Variants in EML6 observed in about 807,000 individuals in gnomAD.
EML6 encodes the protein echinoderm microtubule-associated protein-like 6.
EML6 carries 154 observed loss-of-function variants against 240.1 expected under a neutral mutation model. The ratio of observed to expected loss-of-function variants is 0.64; its 90% CI spans 0.56 to 0.73. The LOEUF is 0.73. EML6 is among the 30% of genes least tolerant of loss of function. The pLI, the probability that EML6 is intolerant of heterozygous loss-of-function variation, is 0.00. For synonymous variants in EML6, 1,148 were observed against 899.0 expected (o/e 1.28, Z -4.95); for missense variants, 2,964 against 2,474.6 (o/e 1.20, Z -4.20).
At chr2:54,830,319 G>A (rs1353092382) in intron 7 of EML6, among the ~76,000 whole-genome samples, 2 of 152,194 alleles carry the variant, frequency 1.3e-5, no homozygotes, top group African/African-American at 4.8e-5. Context: ...CTCCCCACAG[G>A]TGGGCCACAG....
At chr2:54,954,874 C>T (rs1234239612) in intron 32 of EML6, among the ~76,000 whole-genome samples, 5 of 152,206 alleles carry the variant, frequency 3.3e-5, no homozygotes, top group Non-Finnish European at 7.3e-5. Context: ...TGCAGCTAGG[C>T]AGCCTGTATC....
chr2:54,756,035 C>A (rs1164493245), intron 2 of EML6, among the ~76,000 whole-genome samples: 1 of 152,056 alleles, frequency 6.6e-6, no homozygotes, highest in African/African-American at 2.4e-5. Context: ...TAATTTGGAT[C>A]TTGGCCCTCT....
At chr2:54,896,512 G>C (rs946276927) in intron 21 of EML6, among the ~76,000 whole-genome samples, 1 of 152,184 alleles carries the variant, frequency 6.6e-6, no homozygotes, top group Non-Finnish European at 1.5e-5. Flanking sequence ...AGGATGTGGA[G>C]GTGCGTTAGG....
rs1676917040 is a variant in EML6 at position 54,969,935 on chromosome 2, G to T, written c.5853-136G>T. 3.4e-6 allele frequency: 3 copies of T among 884,912 alleles called. No individual in the cohort carries two copies. The South Asian group carries it at 4.4e-5, about 13-fold the overall frequency. The allele number at this position is 884,912 out of a possible 1,614,324, so 54.8% of individuals were successfully genotyped here. A position where few individuals can be genotyped will look rare whatever the true frequency, so the allele number is the denominator to read the frequency against. On this transcript the variant is annotated intron_variant, in intron 41 of 41. Transcript: ENST00000356458. ...TCTTAATTTGGTGGCAAGATCCCTG[G>T]TTTACCTTTTGAAGTCAAAATGTTC...
chr2:54,768,249 T>C (rs943340866), intron 2 of EML6, among the ~76,000 whole-genome samples: 3 of 152,160 alleles, frequency 2.0e-5, no homozygotes, highest in African/African-American at 7.2e-5. Flanking sequence ...GGGATGCCAT[T>C]CCTTTATGTA....
chr2:54,777,012 C>T (rs570173227), intron 2 of EML6, among the ~76,000 whole-genome samples: 3 of 152,030 alleles, frequency 2.0e-5, no homozygotes, highest in Admixed American at 6.6e-5. Context: ...TATTTTATTC[C>T]GTTTCATTAG....
intron 21 of EML6, 40 bp downstream of exon 21, chr2:54,895,440 G>A: frequency 6.5e-7 from 1 of 1,548,972 alleles, no homozygotes; most frequent in African/African-American, 1.4e-5. Flanking sequence ...TTCACATCAA[G>A]GCTGGGACTA....
intron 7 of EML6, among the ~76,000 whole-genome samples, chr2:54,837,604 C>G (rs902865498): frequency 2.0e-5 from 3 of 152,124 alleles, no homozygotes; most frequent in African/African-American, 7.2e-5. Context: ...CTTTCCGATC[C>G]AGTGGGGTAG....
At chr2:54,932,751 A>G (rs1674928668) in intron 28 of EML6, among the ~76,000 whole-genome samples, 1 of 152,244 alleles carries the variant, frequency 6.6e-6, no homozygotes, top group Non-Finnish European at 1.5e-5. Flanking sequence ...AGACTTCGGT[A>G]AAAACAGTTT....
chr2:54,745,670 G>T (rs1423868644), intron 2 of EML6, among the ~76,000 whole-genome samples: 1 of 152,046 alleles, frequency 6.6e-6, no homozygotes, highest in Non-Finnish European at 1.5e-5. Flanking sequence ...GGTCACAGCT[G>T]CTTGGGAGGC....
Position 54,853,891 on chromosome 2 carries a change from T to G in EML6, c.1657+36T>G, listed in dbSNP as rs1367175721. The G allele has an allele frequency of 2.8e-6, 4 of 1,414,368 alleles. No individual in the cohort carries two copies. In the Admixed American group the frequency reaches 7.9e-5, roughly 28 times the overall value. The allele number at this position is 1,414,368 out of a possible 1,614,324, so 87.6% of individuals were successfully genotyped here. On this transcript the variant is annotated intron_variant, in intron 11 of 41. Transcript: ENST00000356458. ...AAGAGATGTTTCATTGCATAAAGAT[T>G]TACTCTAAACTGTATACAGTACAAT...
In EML6 at chr2:54,847,624, G is replaced by T. The variant is rs916127995; in HGVS notation, c.1187+1G>T. 6.4e-7 allele frequency: 1 copy of T among 1,552,138 alleles called. No individual in the cohort carries two copies. The highest frequency in any genetic ancestry group is 8.7e-7 in the Non-Finnish European group (1 of 1,147,054). ...GCTCTTTCATTGTTCTCCGAGTCAG[G>T]CACGTACTGATGTTGAAAATGGTAT... is the stretch of plus-strand genomic sequence containing the variant. On this transcript the variant is annotated splice_donor_variant, in intron 9 of 41. Transcript: ENST00000356458. LOFTEE classifies it high-confidence loss of function.
At chr2:54,925,271 C>T (rs1005176904) in intron 26 of EML6, among the ~76,000 whole-genome samples, 4 of 152,158 alleles carry the variant, frequency 2.6e-5, no homozygotes, top group Admixed American at 2.0e-4. Flanking sequence ...GCACCAGGAA[C>T]CAAATTGGCC....
chr2:54,779,582 C>T (rs1046178415), intron 2 of EML6, among the ~76,000 whole-genome samples: 5 of 148,776 alleles, frequency 3.4e-5, no homozygotes, highest in African/African-American at 1.2e-4. Flanking sequence ...GGAAGGAGGG[C>T]CTGGTGTGGT....
chr2:54,820,161 C>A (rs1402157729), intron 4 of EML6, among the ~76,000 whole-genome samples: 1 of 152,054 alleles, frequency 6.6e-6, no homozygotes, highest in African/African-American at 2.4e-5. Context: ...CCAGTTTGTT[C>A]TAAATAATTA....
intron 2 of EML6, among the ~76,000 whole-genome samples, chr2:54,795,432 G>A (rs1669708091): frequency 6.6e-6 from 1 of 152,178 alleles, no homozygotes; most frequent in South Asian, 2.1e-4. Context: ...CCCTCCTCTG[G>A]CGTATGGGGA....
chr2:54,852,362 C>G (rs1670136734), intron 10 of EML6, among the ~76,000 whole-genome samples: 1 of 152,076 alleles, frequency 6.6e-6, no homozygotes, highest in Non-Finnish European at 1.5e-5. Flanking sequence ...TCTTTGTTTT[C>G]TTTGCTTGAC....
chr2:54,740,727 G>GTTTT (rs1683593883), intron 2 of EML6, among the ~76,000 whole-genome samples: 1 of 150,700 alleles, frequency 6.6e-6, no homozygotes, highest in Non-Finnish European at 1.5e-5. Context: ...TTTTTCTTGG[G>GTTTT]ACAATAAGAG....
chr2:54,753,576 A>T (rs1423683410), intron 2 of EML6, among the ~76,000 whole-genome samples: 2 of 152,014 alleles, frequency 1.3e-5, no homozygotes, highest in African/African-American at 2.4e-5. Flanking sequence ...TAGCCAAGAA[A>T]TGTGGGCAGC....
Sources: gnomAD v4.1 joint callset for allele counts (sites outside exome capture counted in the v4.1 genomes callset) on GRCh38, gnomAD v4.1.1 for gene constraint, MANE v1.5 for transcripts, NCBI Gene and HGNC (gene_info 2026-07-23, HGNC 2026-07-21) for gene names.